Variants in WHRN observed in about 807,000 individuals in gnomAD.
WHRN encodes whirlin, also known as CASK-interacting protein CIP98.
A neutral mutation model predicts 68.3 loss-of-function variants in WHRN; 41 were observed. That is an observed-to-expected ratio of 0.60 (90% CI 0.47 to 0.78). The LOEUF (loss-of-function observed/expected upper bound fraction) is 0.78, where lower values mean the gene tolerates loss of function less well. Among genes scored for constraint, WHRN ranks in the 30% least tolerant of loss-of-function variants. The probability of loss-of-function intolerance (pLI) is 0.00; values close to 1 mark genes in which losing one functional copy is unlikely to be tolerated. For synonymous variants in WHRN, 560 were observed against 561.3 expected (o/e 1.00, Z 0.03); for missense variants, 1,243 against 1,244.7 (o/e 1.00, Z 0.02).
chr9:114,489,995 G>A (rs1032256295), intron 1 of WHRN, among the ~76,000 whole-genome samples: 2 of 152,238 alleles, frequency 1.3e-5, no homozygotes, highest in Non-Finnish European at 2.9e-5. Flanking sequence ...GGGCAATGGT[G>A]TGGTAAGAAT....
chr9:114,425,267 C>A, intron 4 of WHRN: 1 of 654,178 alleles, frequency 1.5e-6, no homozygotes. Context: ...CCGAGGTGGG[C>A]TCCTGAGTTG....
At chr9:114,450,827 C>CCA (rs34165340) in intron 3 of WHRN, among the ~76,000 whole-genome samples, 2 of 89,112 alleles carry the variant, frequency 2.2e-5, no homozygotes, top group African/African-American at 1.1e-4. Context: ...TTATTAGTTT[C>CCA]CCCCCCCGCA....
chr9:114,466,429 G>A, intron 2 of WHRN, 37 bp from the exon 3 acceptor site: 1 of 1,612,872 alleles, frequency 6.2e-7, no homozygotes, highest in Non-Finnish European at 8.5e-7. Flanking sequence ...AGGGACTGGA[G>A]GAGCCATCCC....
chr9:114,405,070 CTTTTTTTTTTTTTT>C (rs34172199), intron 9 of WHRN, among the ~76,000 whole-genome samples: 1 of 109,200 alleles, frequency 9.2e-6, no homozygotes, highest in African/African-American at 3.4e-5. Context: ...CTCTCTCTCT[CTTTTTTTTTTTTTT>C]TTTTTTTTGA....
At position 114,426,579 on chromosome 9, in the gene WHRN, C is replaced by T. The variant is rs147110926; in HGVS notation, c.964-166G>A. ...TGAGGGTCACACAGCAAGTCAATAGCAGTGCTGGCCTTCTGATCCTGACCC... is the reference window on the plus strand; with the variant it reads ...TGAGGGTCACACAGCAAGTCAATAGTAGTGCTGGCCTTCTGATCCTGACCC... On this transcript the variant is annotated intron_variant, in intron 3 of 11. Transcript: ENST00000362057. Among the ~76,000 whole-genome samples, 761 of 152,300 alleles carry T rather than the reference C, an allele frequency of 5.0e-3. 6 individuals carry two copies. Among genetic ancestry groups the T allele is most frequent in the African/African-American group, 0.014 (569 of 41,566 alleles).
chr9:114,456,552 G>A (rs1839817796), intron 3 of WHRN, among the ~76,000 whole-genome samples: 1 of 152,196 alleles, frequency 6.6e-6, no homozygotes, highest in Non-Finnish European at 1.5e-5. Context: ...TAGGGGCCAG[G>A]TGTGGTGGCT....
intron 1 of WHRN, among the ~76,000 whole-genome samples, chr9:114,495,662 G>A (rs1843394496): frequency 6.6e-6 from 1 of 152,182 alleles, no homozygotes; most frequent in South Asian, 2.1e-4. Context: ...AGGGAGAGCT[G>A]TACATGTATA....
At chr9:114,464,813 CATAATGATGATGATGATGATGATGATG>C (rs1317669062) in intron 3 of WHRN, among the ~76,000 whole-genome samples, 7 of 120,880 alleles carry the variant, frequency 5.8e-5, no homozygotes, top group African/African-American at 1.2e-4. Flanking sequence ...TGATTATGTC[CATAATGATGATGATGATGATGATGATG>C]ATGATGATGA....
At chr9:114,479,501 T>C (rs1301198609) in intron 1 of WHRN, among the ~76,000 whole-genome samples, 1 of 152,178 alleles carries the variant, frequency 6.6e-6, no homozygotes, top group East Asian at 1.9e-4. Flanking sequence ...CTGTTAGCCT[T>C]TCTAGAGAAT....
intron 7 of WHRN, among the ~76,000 whole-genome samples, chr9:114,409,573 G>A (rs748924349): frequency 3.3e-5 from 5 of 152,302 alleles, no homozygotes; most frequent in Non-Finnish European, 5.9e-5. Flanking sequence ...CCTGAGGGCA[G>A]TGGGTTGCCA....
At chr9:114,438,432 G>A (rs1402402012) in intron 3 of WHRN, among the ~76,000 whole-genome samples, 2 of 151,712 alleles carry the variant, frequency 1.3e-5, no homozygotes, top group East Asian at 3.9e-4. Flanking sequence ...AACACTTAAC[G>A]GAATCCCACT....
At chr9:114,431,874 G>T (rs968366886) in intron 3 of WHRN, among the ~76,000 whole-genome samples, 4 of 152,158 alleles carry the variant, frequency 2.6e-5, no homozygotes, top group African/African-American at 9.7e-5. Flanking sequence ...ACAGAGCAAG[G>T]CAACAGCAAA....
chr9:114,436,786 G>A (rs759997860), intron 3 of WHRN, among the ~76,000 whole-genome samples: 20 of 151,860 alleles, frequency 1.3e-4, no homozygotes, highest in Non-Finnish European at 2.4e-4. Context: ...CCGAGATTGC[G>A]CCACTGCACT....
chr9:114,464,809 T>C (rs1239022560), intron 3 of WHRN, among the ~76,000 whole-genome samples: 3 of 135,276 alleles, frequency 2.2e-5, no homozygotes, highest in African/African-American at 8.2e-5. Flanking sequence ...TTAATGATTA[T>C]GTCCATAATG....
At chr9:114,467,110 C>T (rs1253810384) in intron 2 of WHRN, among the ~76,000 whole-genome samples, 3 of 151,028 alleles carry the variant, frequency 2.0e-5, no homozygotes, top group Admixed American at 2.0e-4. Flanking sequence ...CAGGAGTCTC[C>T]TATTTCTCCT....
intron 3 of WHRN, among the ~76,000 whole-genome samples, chr9:114,462,206 C>T (rs1318946307): frequency 6.6e-6 from 1 of 152,204 alleles, no homozygotes; most frequent in Non-Finnish European, 1.5e-5. Context: ...TGTGTCCTGC[C>T]TGTAGCTGGG....
intron 3 of WHRN, among the ~76,000 whole-genome samples, chr9:114,451,667 T>C (rs1187995490): frequency 6.6e-6 from 1 of 151,864 alleles, no homozygotes; most frequent in Admixed American, 6.5e-5. Context: ...CTGCCCTGTG[T>C]CCCTCCCCCA....
At chr9:114,452,938 T>C (rs1169163654) in intron 3 of WHRN, among the ~76,000 whole-genome samples, 1 of 152,178 alleles carries the variant, frequency 6.6e-6, no homozygotes, top group Non-Finnish European at 1.5e-5. Context: ...CAGTTTGGCT[T>C]TGTCTGCTGA....
At chr9:114,455,650 G>A (rs1380892898) in intron 3 of WHRN, among the ~76,000 whole-genome samples, 1 of 150,442 alleles carries the variant, frequency 6.6e-6, no homozygotes, top group African/African-American at 2.5e-5. Context: ...GGAGGTCAAG[G>A]CTCCAGTAAG....
Sources: allele counts gnomAD v4.1 joint callset (sites outside exome capture counted in the v4.1 genomes callset), GRCh38; gene constraint gnomAD v4.1.1; transcripts MANE v1.5; gene names NCBI Gene and HGNC (gene_info 2026-07-23, HGNC 2026-07-21).